Variants in NF2 observed in about 807,000 individuals in gnomAD.
NF2 encodes the protein merlin.
NF2 carries 8 observed loss-of-function variants against 83.7 expected under a neutral mutation model. The ratio of observed to expected loss-of-function variants is 0.10; its 90% CI spans 0.06 to 0.17. NF2 has a LOEUF of 0.17. Among genes scored for constraint, NF2 ranks in the 10% least tolerant of loss-of-function variants. The pLI is 1.00. For synonymous variants in NF2, 266 were observed against 269.6 expected, an observed-to-expected ratio of 0.99 and a Z score of 0.13; for missense variants, 533 against 744.4, an observed-to-expected ratio of 0.72 and a Z score of 3.31.
rs552115565 is a variant in NF2 at position 29,678,254 on chromosome 22, G to A, written c.1505G>A (p.Gly502Asp). The change falls in exon 14 of 16, where the codon GGT (glycine) becomes GAT (aspartate). Residue 502 changes from glycine to aspartate, a missense_variant. Gly to Asp is a moderately conservative substitution (Grantham distance 94). This residue lies in a region of NF2 where 199 missense variants were observed against 240.7 expected (regional missense o/e 0.83). Transcript: ENST00000338641. ...PPDIPSFNLI[G>D]DSLSFDFKDT... is the part of the protein sequence containing the mutation. ...GACATACCAAGCTTCAACCTCATTGGTGACAGCCTGTCTTTCGACTTCAAA... is the reference window on the plus strand; with the variant it reads ...GACATACCAAGCTTCAACCTCATTGATGACAGCCTGTCTTTCGACTTCAAA... 5.1e-5 allele frequency: 83 copies of A among 1,614,114 alleles called. 1 individual carries two copies. In the South Asian group the frequency reaches 8.8e-4, roughly 17 times the overall value.
intron 1 of NF2, among the ~76,000 whole-genome samples, chr22:29,628,444 G>A (rs1402093067): frequency 2.0e-5 from 3 of 152,038 alleles, no homozygotes; most frequent in African/African-American, 7.3e-5. Context: ...TTGGTTGAAG[G>A]AGGGAGGAAG....
At chr22:29,671,647 C>G (rs1162023096) in intron 10 of NF2, among the ~76,000 whole-genome samples, 179 bp from the exon 11 acceptor site, 1 of 152,038 alleles carries the variant, frequency 6.6e-6, no homozygotes, top group Non-Finnish European at 1.5e-5. Flanking sequence ...GCTTTCAACT[C>G]TGCAACTGGT....
At chr22:29,672,317 T>C (rs913012075) in intron 11 of NF2, among the ~76,000 whole-genome samples, 1 of 150,346 alleles carries the variant, frequency 6.7e-6, no homozygotes, top group Non-Finnish European at 1.5e-5. Context: ...CTCTTTTTTT[T>C]TTTTTTTTTT....
At chr22:29,659,306 A>G (rs1403210735) in intron 7 of NF2, among the ~76,000 whole-genome samples, 1 of 152,188 alleles carries the variant, frequency 6.6e-6, no homozygotes, top group East Asian at 1.9e-4. Context: ...CTAGAAAACT[A>G]AAGTTTTATA....
At chr22:29,678,148 C>G in intron 13 of NF2, 48 bp from the exon 14 acceptor site, 2 of 1,611,840 alleles carry the variant, frequency 1.2e-6, no homozygotes, top group Non-Finnish European at 1.7e-6. Context: ...TAGTGTCCTT[C>G]TGTGCTTGTA....
intron 1 of NF2, among the ~76,000 whole-genome samples, chr22:29,632,893 G>A (rs1601571664): frequency 6.6e-6 from 1 of 152,328 alleles, no homozygotes; most frequent in African/African-American, 2.4e-5. Flanking sequence ...TATAGTGGAT[G>A]AGTGATGACA....
intron 13 of NF2, among the ~76,000 whole-genome samples, chr22:29,676,885 G>T (rs970960020): frequency 7.7e-6 from 1 of 130,028 alleles, no homozygotes; most frequent in African/African-American, 2.6e-5. Flanking sequence ...TACACATAGA[G>T]AAGTGCCCAA....
intron 15 of NF2, among the ~76,000 whole-genome samples, chr22:29,688,818 G>C (rs2067329652): frequency 6.6e-6 from 1 of 152,232 alleles, no homozygotes; most frequent in South Asian, 2.1e-4. Context: ...TAAGTGTGTG[G>C]ATAGTGCTCC....
intron 15 of NF2, chr22:29,683,299 G>C (rs557311944): frequency 7.0e-7 from 1 of 1,438,168 alleles, no homozygotes; most frequent in African/African-American, 1.4e-5. Context: ...GCATGTCATG[G>C]GGCTGTAGGA....
intron 13 of NF2, among the ~76,000 whole-genome samples, chr22:29,677,737 A>G (rs1295848401): frequency 1.3e-5 from 2 of 152,226 alleles, no homozygotes; most frequent in Non-Finnish European, 2.9e-5. Flanking sequence ...CAGCAAAAGC[A>G]GCATCTCTTC....
chr22:29,653,239 T>A (rs1414612879), intron 4 of NF2, among the ~76,000 whole-genome samples: 1 of 152,046 alleles, frequency 6.6e-6, no homozygotes, highest in Non-Finnish European at 1.5e-5. Context: ...ACATCAGAAG[T>A]CCGAGACCAG....
chr22:29,679,874 A>AAC (rs1378541407), intron 14 of NF2, among the ~76,000 whole-genome samples: 2 of 151,884 alleles, frequency 1.3e-5, no homozygotes, highest in East Asian at 3.9e-4. Flanking sequence ...TCAAAAAAAA[A>AAC]AAAAAGAAAA....
At chr22:29,634,229 A>G (rs1450365887) in intron 1 of NF2, among the ~76,000 whole-genome samples, 1 of 152,230 alleles carries the variant, frequency 6.6e-6, no homozygotes, top group East Asian at 1.9e-4. Context: ...ACTCATGCTC[A>G]TTTCCAACTC....
At chr22:29,655,559 G>A in intron 5 of NF2, 35 bp from the exon 6 acceptor site, 2 of 1,482,752 alleles carry the variant, frequency 1.3e-6, no homozygotes, top group Non-Finnish European at 9.4e-7. Flanking sequence ...TTTACTTCAT[G>A]TGTAGGTTTT....
intron 8 of NF2, among the ~76,000 whole-genome samples, chr22:29,662,747 T>C (rs902345038): frequency 6.6e-6 from 1 of 152,184 alleles, no homozygotes; most frequent in Non-Finnish European, 1.5e-5. Context: ...CTGAGTGAAG[T>C]AGCAGAGATT....
At chr22:29,674,531 A>G (rs984171276) in intron 12 of NF2, among the ~76,000 whole-genome samples, 2 of 152,182 alleles carry the variant, frequency 1.3e-5, no homozygotes, top group African/African-American at 4.8e-5. Context: ...AAGCAGAGAA[A>G]GCTGCTGGTG....
chr22:29,657,437 A>G (rs1205864750), intron 6 of NF2, among the ~76,000 whole-genome samples: 1 of 152,272 alleles, frequency 6.6e-6, no homozygotes, highest in Admixed American at 6.5e-5. Context: ...ACAATTTCCC[A>G]AAGTAATTGT....
At chr22:29,626,457 T>A (rs2065371569) in intron 1 of NF2, among the ~76,000 whole-genome samples, 1 of 152,216 alleles carries the variant, frequency 6.6e-6, no homozygotes, top group Non-Finnish European at 1.5e-5. Flanking sequence ...CAGCCCCATC[T>A]GCAGATATTT....
At chr22:29,655,535 C>T (rs2146971277) in intron 5 of NF2, 59 bp from the exon 6 acceptor site, 1 of 1,276,298 alleles carries the variant, frequency 7.8e-7, no homozygotes, top group Non-Finnish European at 1.1e-6. Context: ...ATAAAAGTGG[C>T]AAACAATACC....
Sources: allele counts gnomAD v4.1 joint callset (sites outside exome capture counted in the v4.1 genomes callset), GRCh38; gene constraint gnomAD v4.1.1; regional missense constraint gnomAD v4.1.1; transcripts MANE v1.5; gene names NCBI Gene and HGNC (gene_info 2026-07-23, HGNC 2026-07-21).